The following UNC13C variants were observed in gnomAD, a reference collection of about 807,000 sequenced individuals.
The protein encoded by UNC13C is protein unc-13 homolog C.
Under a neutral mutation model 245.4 loss-of-function variants are expected in UNC13C, and 174 were observed. That is an observed-to-expected ratio of 0.71 (90% CI 0.63 to 0.80). UNC13C has a LOEUF of 0.80. Ranked by LOEUF, UNC13C falls within the 30% of genes least tolerant of loss-of-function variation. The probability of loss-of-function intolerance (pLI) is 0.00; values close to 1 mark genes in which losing one functional copy is unlikely to be tolerated. For synonymous variants in UNC13C, 992 were observed against 895.1 expected (o/e 1.11, Z -1.93); for missense variants, 2,829 against 2,602.9 (o/e 1.09, Z -1.89).
At chr15:54,600,905 T>C (rs1226442541) in intron 30 of UNC13C, among the ~76,000 whole-genome samples, 2 of 152,092 alleles carry the variant, frequency 1.3e-5, no homozygotes, top group Non-Finnish European at 2.9e-5. Context: ...TCCAATCTTT[T>C]GACTTCCCTG....
the UNC13C span, among the ~76,000 whole-genome samples, chr15:53,972,138 T>C: frequency 6.6e-6 from 1 of 152,204 alleles, no homozygotes; most frequent in Admixed American, 6.5e-5. Flanking sequence ...AAGAGTTTGC[T>C]GAAGGAGAGA....
intron 19 of UNC13C, among the ~76,000 whole-genome samples, chr15:54,429,781 C>T (rs2040834631): frequency 6.6e-6 from 1 of 151,492 alleles, no homozygotes; most frequent in African/African-American, 2.4e-5. Context: ...TTTTGCTATT[C>T]CTTTAATTTA....
intron 25 of UNC13C, among the ~76,000 whole-genome samples, chr15:54,525,940 C>A (rs2141139134): frequency 6.6e-6 from 1 of 152,270 alleles, no homozygotes; most frequent in Admixed American, 6.5e-5. Flanking sequence ...CACCTATATG[C>A]AGTTCTAGTG....
At chr15:54,540,358 A>G (rs1392910898) in intron 26 of UNC13C, among the ~76,000 whole-genome samples, 2 of 152,056 alleles carry the variant, frequency 1.3e-5, no homozygotes, top group Non-Finnish European at 2.9e-5. Context: ...TAATTATATG[A>G]CAGGAAATCT....
intron 30 of UNC13C, among the ~76,000 whole-genome samples, chr15:54,617,238 A>C (rs553412884): frequency 5.3e-5 from 8 of 152,252 alleles, no homozygotes; most frequent in Non-Finnish European, 1.2e-4. Flanking sequence ...CCTATATAAA[A>C]GTAATTTTTT....
intron 4 of UNC13C, among the ~76,000 whole-genome samples, chr15:54,194,154 G>A (rs140607710): frequency 6.6e-6 from 1 of 152,144 alleles, no homozygotes; most frequent in Admixed American, 6.6e-5. Flanking sequence ...TGGCTGCTCC[G>A]TGTAGACCAG....
At chr15:54,227,829 C>A (rs76884195) in intron 4 of UNC13C, among the ~76,000 whole-genome samples, 9,749 of 152,224 alleles carry the variant, frequency 0.064, 1,108 homozygotes, top group African/African-American at 0.22. Flanking sequence ...GGGTCTTGCC[C>A]AAGGCCTGTC....
At chr15:54,146,618 A>G (rs1239670429) in intron 4 of UNC13C, among the ~76,000 whole-genome samples, 1 of 152,234 alleles carries the variant, frequency 6.6e-6, no homozygotes, top group Non-Finnish European at 1.5e-5. Flanking sequence ...AAATAAAAGG[A>G]GCAAGAGAAA....
chr15:54,528,362 G>A (rs966287044), intron 25 of UNC13C, among the ~76,000 whole-genome samples: 3 of 150,206 alleles, frequency 2.0e-5, no homozygotes, highest in African/African-American at 7.4e-5. Context: ...TAGTACTAGA[G>A]GCTGGCTAGA....
chr15:54,360,682 T>G (rs1310903937), intron 17 of UNC13C, among the ~76,000 whole-genome samples: 1 of 152,118 alleles, frequency 6.6e-6, no homozygotes, highest in Admixed American at 6.6e-5. Context: ...CACTCAGCCT[T>G]TATTTGCCTG....
chr15:54,420,985 C>T (rs1305743814), intron 19 of UNC13C, among the ~76,000 whole-genome samples: 1 of 151,988 alleles, frequency 6.6e-6, no homozygotes, highest in Admixed American at 6.6e-5. Context: ...AGGGGTAGAG[C>T]CTTGGCCTTT....
intron 4 of UNC13C, among the ~76,000 whole-genome samples, chr15:54,186,857 T>A (rs200089006): frequency 0.014 from 1,093 of 77,902 alleles, 38 homozygotes; most frequent in African/African-American, 0.055. Context: ...ATATATATAT[T>A]TTGTTTTTTG....
chr15:53,879,953 T>TTGTGTGTGTGTG, the UNC13C span, among the ~76,000 whole-genome samples: 38 of 147,598 alleles, frequency 2.6e-4, no homozygotes, highest in Non-Finnish European at 4.6e-4. Context: ...GTGTGTGTGT[T>TTGTGTGTGTGTG]TGTGTGTGTG....
the UNC13C span, among the ~76,000 whole-genome samples, chr15:53,921,760 G>A: frequency 6.6e-6 from 1 of 152,166 alleles, no homozygotes; most frequent in Non-Finnish European, 1.5e-5. Flanking sequence ...GTGTGTTACG[G>A]CCACCTCACA....
chr15:53,981,649 C>T (rs1172022393), intron 1 of UNC13C, among the ~76,000 whole-genome samples: 4 of 152,256 alleles, frequency 2.6e-5, no homozygotes, highest in Middle Eastern at 3.4e-3. Context: ...TAATAGCCCT[C>T]TCAATCTGTA....
At chr15:54,451,964 G>A in intron 19 of UNC13C, among the ~76,000 whole-genome samples, 1 of 152,160 alleles carries the variant, frequency 6.6e-6, no homozygotes, top group African/African-American at 2.4e-5. Context: ...GTTAGGTAGG[G>A]AACATTGGCT....
chr15:54,041,941 A>G (rs1428404435), intron 2 of UNC13C, among the ~76,000 whole-genome samples: 1 of 152,174 alleles, frequency 6.6e-6, no homozygotes, highest in Non-Finnish European at 1.5e-5. Context: ...GATTTGTGTA[A>G]TGTTTCACAA....
intron 2 of UNC13C, among the ~76,000 whole-genome samples, chr15:54,038,449 T>C (rs1036208118): frequency 6.6e-6 from 1 of 152,018 alleles, no homozygotes; most frequent in African/African-American, 2.4e-5. Flanking sequence ...GTATATCTTA[T>C]TCTGTTTTAA....
chr15:54,015,524 A>C lies in UNC13C; in HGVS notation c.2621A>C (p.Asn874Thr). The C allele has an allele frequency of 1.2e-6, 2 of 1,613,292 alleles. No individual in the cohort carries two copies. The highest frequency in any genetic ancestry group is 1.7e-6 in the Non-Finnish European group (2 of 1,179,396). ...GATTATACTGAACCAGTGGCTGACA[A>C]TGAAACAGATTATGTTGAAGTCATG... is the stretch of plus-strand genomic sequence containing the variant. ...EEDYTEPVAD[N>T]ETDYVEVMEQ... Residue 874 changes from asparagine (N) to threonine (T), a missense_variant, in exon 2 of 33, where the codon AAT becomes ACT. Asn to Thr is a moderately conservative substitution (Grantham distance 65). Coordinates refer to ENST00000260323, the MANE Select transcript of UNC13C (RefSeq NM_001080534.3).
Sources: allele counts gnomAD v4.1 joint callset (sites outside exome capture counted in the v4.1 genomes callset), GRCh38; gene constraint gnomAD v4.1.1; transcripts MANE v1.5; gene names NCBI Gene and HGNC (gene_info 2026-07-23, HGNC 2026-07-21).